The following ATXN10 variants were observed in gnomAD, a reference collection of about 807,000 sequenced individuals.
ATXN10 encodes the protein ataxin 10.
Under a neutral mutation model 52.9 loss-of-function variants are expected in ATXN10, and 28 were observed. The observed-to-expected ratio is 0.53, with a 90% CI of 0.39 to 0.73. The LOEUF (loss-of-function observed/expected upper bound fraction) is 0.73, where lower values mean the gene tolerates loss of function less well. Ranked by LOEUF, ATXN10 falls within the 30% of genes least tolerant of loss-of-function variation. The pLI is 0.00. For synonymous variants in ATXN10, 226 were observed against 221.5 expected (o/e 1.02, Z -0.18); for missense variants, 565 against 577.0 (o/e 0.98, Z 0.21).
In ATXN10 at chr22:45,824,731, C is replaced by G. The variant is rs1928762829; in HGVS notation, c.1237+17709C>G. On this transcript the variant is annotated intron_variant, in intron 10 of 11. Coordinates refer to ENST00000252934, the MANE Select transcript of ATXN10 (RefSeq NM_013236.4). This position sits in a 1 kb window ranked among gnomAD's most constrained non-coding sequence, Gnocchi z 5.2. ...TAACTGAATTGATAGAGGTTTTTATCTATGGACCGAGGTGATGTGATCTAG... is the reference window on the plus strand; with the variant it reads ...TAACTGAATTGATAGAGGTTTTTATGTATGGACCGAGGTGATGTGATCTAG... Among the ~76,000 whole-genome samples, 1 of 152,156 alleles carries G rather than the reference C, an allele frequency of 6.6e-6. No homozygotes were observed. The highest frequency in any genetic ancestry group is 1.5e-5 in the Non-Finnish European group (1 of 68,030).
chr22:45,813,983 G>T (rs1336779817), intron 10 of ATXN10, among the ~76,000 whole-genome samples: 5 of 152,132 alleles, frequency 3.3e-5, no homozygotes, highest in Non-Finnish European at 5.9e-5. Flanking sequence ...CTCATAAATG[G>T]TGCTGGACCA....
chr22:45,790,252 G>A lies in ATXN10; in HGVS notation c.1174-16707G>A, dbSNP rs1927461033. Among the ~76,000 whole-genome samples, 1 of 152,130 alleles carries A rather than the reference G, an allele frequency of 6.6e-6. No individual in the cohort carries two copies. Among genetic ancestry groups the A allele is most frequent in the East Asian group, 1.9e-4 (1 of 5,204 alleles). On this transcript the variant is annotated intron_variant, in intron 9 of 11. Coordinates refer to ENST00000252934, the MANE Select transcript of ATXN10 (RefSeq NM_013236.4). The surrounding 1 kb of genome is among the most constrained non-coding windows in gnomAD (Gnocchi z 4.7). The stretch of plus-strand genomic sequence containing the variant: ...TCAGGATTTTTTTGTAACAGCTGCA[G>A]TCTGGACTGTCTCTTGCCGGAATGT...
At chr22:45,758,220 A>G (rs1926246609) in intron 9 of ATXN10, among the ~76,000 whole-genome samples, 1 of 152,170 alleles carries the variant, frequency 6.6e-6, no homozygotes, top group African/African-American at 2.4e-5. Context: ...GAGCAGGGCC[A>G]CAGTCTCCCT....
At chr22:45,703,717 C>G (rs1923928774) in intron 5 of ATXN10, among the ~76,000 whole-genome samples, 1 of 152,188 alleles carries the variant, frequency 6.6e-6, no homozygotes. Flanking sequence ...ACCACAAAGA[C>G]CTGGATGATT....
intron 10 of ATXN10, among the ~76,000 whole-genome samples, chr22:45,808,630 C>T (rs908153364): frequency 3.9e-5 from 6 of 152,152 alleles, no homozygotes; most frequent in African/African-American, 1.4e-4. Flanking sequence ...GATTATCATC[C>T]GTATGTTGTA....
At chr22:45,723,951 CAAA>C (rs745576988) in intron 6 of ATXN10, among the ~76,000 whole-genome samples, 1 of 124,636 alleles carries the variant, frequency 8.0e-6, no homozygotes, top group Non-Finnish European at 1.7e-5. Context: ...GACCCTGTCT[CAAA>C]AAAAAAAAAA....
In ATXN10 at chr22:45,736,504, G is replaced by A. The variant is rs532315416; in HGVS notation, c.895-2227G>A. 7.4e-4 allele frequency among the ~76,000 whole-genome samples: 111 copies of A among 150,116 alleles called. 1 individual carries two copies. Among genetic ancestry groups the A allele is most frequent in the African/African-American group, 2.6e-3 (106 of 40,326 alleles). On this transcript the variant is annotated intron_variant, in intron 7 of 11. Transcript: ENST00000252934. Reference sequence around the variant, plus strand: ...GCCACCTTATCTGTAACACCTTACAGATAAGGGCAAGTGATTGACATAACT... The same window carrying A: ...GCCACCTTATCTGTAACACCTTACAAATAAGGGCAAGTGATTGACATAACT...
Position 45,769,162 on chromosome 22 carries a change from T to A in ATXN10, c.1173+28624T>A, listed in dbSNP as rs1276672305. 3.3e-5 allele frequency among the ~76,000 whole-genome samples: 5 copies of A among 152,150 alleles called. No homozygotes were observed. The highest frequency in any genetic ancestry group is 9.7e-5 in the African/African-American group (4 of 41,426). On this transcript the variant is annotated intron_variant, in intron 9 of 11. Transcript: ENST00000252934. The surrounding 1 kb of genome is among the most constrained non-coding windows in gnomAD (Gnocchi z 4.2). Reference sequence around the variant, plus strand: ...TTTCATTTAAAAAAATGGTTAAAAATTTTTAAAGAGTTGTTATTGTTGTTG... The same window carrying A: ...TTTCATTTAAAAAAATGGTTAAAAAATTTTAAAGAGTTGTTATTGTTGTTG...
chr22:45,765,961 A>G lies in ATXN10; in HGVS notation c.1173+25423A>G, dbSNP rs567728412. On this transcript the variant is annotated intron_variant, in intron 9 of 11. Transcript: ENST00000252934. ...AAGAAAAATAACAGCTAGTTCTACC[A>G]GATACTAAAAATGTTATACAGCTTC... 1.7e-4 allele frequency among the ~76,000 whole-genome samples: 26 copies of G among 152,302 alleles called. No homozygotes were observed. The South Asian group carries it at 5.4e-3, about 32-fold the overall frequency.
At chr22:45,777,021 G>GA (rs1926983562) in intron 9 of ATXN10, among the ~76,000 whole-genome samples, 1 of 152,196 alleles carries the variant, frequency 6.6e-6, no homozygotes, top group Admixed American at 6.5e-5. Flanking sequence ...CGATGAACTT[G>GA]AATGACTTTA....
chr22:45,711,411 G>C (rs1924245116), intron 5 of ATXN10, among the ~76,000 whole-genome samples: 1 of 152,148 alleles, frequency 6.6e-6, no homozygotes, highest in South Asian at 2.1e-4. Flanking sequence ...TGCAAAAGGG[G>C]TGCCGAACCG....
chr22:45,695,829 T>C (rs1923585094), intron 3 of ATXN10, among the ~76,000 whole-genome samples: 2 of 152,166 alleles, frequency 1.3e-5, no homozygotes, highest in African/African-American at 2.4e-5. Flanking sequence ...ATATGTGTGC[T>C]TCTCTTGGTA....
chr22:45,734,675 T>C (rs1017702696), intron 7 of ATXN10, among the ~76,000 whole-genome samples: 7 of 151,774 alleles, frequency 4.6e-5, no homozygotes, highest in Middle Eastern at 3.4e-3. Flanking sequence ...TTTTTATTTA[T>C]CTAGAATTTA....
At chr22:45,802,827 G>A (rs1349395517) in intron 9 of ATXN10, among the ~76,000 whole-genome samples, 1 of 151,064 alleles carries the variant, frequency 6.6e-6, no homozygotes, top group African/African-American at 2.4e-5. Flanking sequence ...CTTTTTTTTT[G>A]TAGAAAGTGA....
At chr22:45,698,253 C>G (rs1286078144) in intron 3 of ATXN10, among the ~76,000 whole-genome samples, 1 of 152,112 alleles carries the variant, frequency 6.6e-6, no homozygotes, top group African/African-American at 2.4e-5. Flanking sequence ...TATGACTTTT[C>G]ACCGACACCA....
intron 1 of ATXN10, chr22:45,676,337 AAGT>A (rs1310214032): frequency 1.3e-5 from 2 of 151,978 alleles, no homozygotes; most frequent in Non-Finnish European, 2.9e-5. Context: ...AGACCCCACA[AAGT>A]GTAGAGCCAG....
intron 9 of ATXN10, among the ~76,000 whole-genome samples, chr22:45,741,411 G>A (rs982752219): frequency 1.3e-5 from 2 of 152,150 alleles, no homozygotes; most frequent in Non-Finnish European, 2.9e-5. Context: ...TTAGAAGCCC[G>A]TCACTATGTA....
At chr22:45,742,374 G>A (rs978261014) in intron 9 of ATXN10, among the ~76,000 whole-genome samples, 1 of 152,118 alleles carries the variant, frequency 6.6e-6, no homozygotes, top group African/African-American at 2.4e-5. Flanking sequence ...GGGCTTAGCA[G>A]ACAAGGATTT....
rs1282645011 is a variant in ATXN10 at position 45,683,290 on chromosome 22, G to T, written c.117-6422G>T. Among the ~76,000 whole-genome samples, 1 of 152,200 alleles carries T rather than the reference G, an allele frequency of 6.6e-6. No individual in the cohort carries two copies. Among genetic ancestry groups the T allele is most frequent in the Non-Finnish European group, 1.5e-5 (1 of 68,032 alleles). On this transcript the variant is annotated intron_variant, in intron 1 of 11. Coordinates refer to ENST00000252934, the MANE Select transcript of ATXN10 (RefSeq NM_013236.4). The surrounding 1 kb of genome is among the most constrained non-coding windows in gnomAD (Gnocchi z 4.8). The stretch of plus-strand genomic sequence containing the variant: ...GCTGAGATCCTGCCTCTGCACTCCA[G>T]CCTGGGCAACAGAGCAAAACTCTGT...
Sources: allele counts gnomAD v4.1 joint callset (sites outside exome capture counted in the v4.1 genomes callset), GRCh38; gene constraint gnomAD v4.1.1; non-coding constraint Gnocchi (gnomAD v3.1); transcripts MANE v1.5; gene names NCBI Gene and HGNC (gene_info 2026-07-23, HGNC 2026-07-21).